Variants in RALGAPA1 observed in about 807,000 individuals in gnomAD.
RALGAPA1 encodes the protein ral GTPase-activating protein subunit alpha-1.
A neutral mutation model predicts 269.6 loss-of-function variants in RALGAPA1; 52 were observed. That is an observed-to-expected ratio of 0.19 (90% CI 0.15 to 0.24). RALGAPA1 has a LOEUF of 0.24. RALGAPA1 is among the 10% of genes least tolerant of loss of function. RALGAPA1 has a pLI of 1.00. For synonymous variants in RALGAPA1, 817 were observed against 1,008.3 expected (o/e 0.81, Z 3.60); for missense variants, 1,917 against 3,013.9 (o/e 0.64, Z 8.52).
At chr14:35,674,316 A>C in intron 23 of RALGAPA1, 38 bp from the exon 24 acceptor site, 1 of 1,503,296 alleles carries the variant, frequency 6.7e-7, no homozygotes, top group Non-Finnish European at 9.2e-7. Context: ...ACCTAAGAAA[A>C]CTGTTATCTC....
intron 36 of RALGAPA1, among the ~76,000 whole-genome samples, chr14:35,601,392 G>A (rs1425677847): frequency 6.6e-6 from 1 of 152,148 alleles, no homozygotes; most frequent in Non-Finnish European, 1.5e-5. Context: ...GTGGTGTTGG[G>A]GGCACCTCAT....
chr14:35,764,012 G>A (rs2073944330), intron 4 of RALGAPA1, among the ~76,000 whole-genome samples: 1 of 151,488 alleles, frequency 6.6e-6, no homozygotes, highest in Non-Finnish European at 1.5e-5. Context: ...ATATTTCCTA[G>A]TGACACTGAA....
chr14:35,665,657 G>T (rs748262656), intron 26 of RALGAPA1, among the ~76,000 whole-genome samples: 33 of 152,078 alleles, frequency 2.2e-4, no homozygotes, highest in Middle Eastern at 3.2e-3. Context: ...AAACAATGTG[G>T]ATTTAAAGAT....
intron 33 of RALGAPA1, among the ~76,000 whole-genome samples, chr14:35,632,455 G>A (rs1204418583): frequency 1.3e-5 from 2 of 152,066 alleles, no homozygotes; most frequent in South Asian, 2.1e-4. Flanking sequence ...TTATTATGGC[G>A]TACAAAAGCA....
At chr14:35,597,096 C>T (rs1271886968) in intron 36 of RALGAPA1, among the ~76,000 whole-genome samples, 1 of 152,100 alleles carries the variant, frequency 6.6e-6, no homozygotes, top group Non-Finnish European at 1.5e-5. Context: ...CTGTCTTTTG[C>T]TATCACAGTC....
chr14:35,596,259 T>G (rs561397189), intron 36 of RALGAPA1, among the ~76,000 whole-genome samples: 73 of 152,174 alleles, frequency 4.8e-4, no homozygotes, highest in Non-Finnish European at 9.6e-4. Context: ...CAGAACTTAA[T>G]TACAGTTTAG....
intron 1 of RALGAPA1, among the ~76,000 whole-genome samples, chr14:35,791,062 C>T (rs181172450): frequency 9.2e-5 from 14 of 152,138 alleles, no homozygotes; most frequent in Non-Finnish European, 1.9e-4. Flanking sequence ...ATAAGAGCAG[C>T]GACAAAGTTT....
chr14:35,539,671 T>C lies in RALGAPA1; in HGVS notation c.*43A>G. On this transcript the variant is annotated 3_prime_UTR_variant, in exon 42 of 42. Coordinates refer to ENST00000680220, the MANE Select transcript of RALGAPA1 (RefSeq NM_001346249.2). ...GCGTTGCTGTGGGAGTTTCACTGGG[T>C]AGAATCTCTGGGTAGGAGCCTGTAG... 1 of 1,614,038 alleles carries C rather than the reference T, an allele frequency of 6.2e-7. No individual in the cohort carries two copies. The highest frequency in any genetic ancestry group is 1.1e-5 in the South Asian group (1 of 91,058).
intron 39 of RALGAPA1, among the ~76,000 whole-genome samples, chr14:35,562,385 C>A (rs558252117): frequency 1.3e-5 from 2 of 152,326 alleles, no homozygotes; most frequent in South Asian, 4.1e-4. Flanking sequence ...CCCAAGTCAT[C>A]TGCCACTGCC....
At chr14:35,766,748 T>C in intron 4 of RALGAPA1, 1 of 531,474 alleles carries the variant, frequency 1.9e-6, no homozygotes. Context: ...TCATTGCTAA[T>C]GATTTTGTGA....
chr14:35,629,801 A>AT (rs1191543642), intron 33 of RALGAPA1, among the ~76,000 whole-genome samples: 9 of 152,334 alleles, frequency 5.9e-5, no homozygotes, highest in Admixed American at 3.9e-4. Flanking sequence ...GCTGAGCCAA[A>AT]TACAGATTTA....
At chr14:35,792,803 G>GAGAA (rs1176430717) in intron 1 of RALGAPA1, among the ~76,000 whole-genome samples, 1 of 108,982 alleles carries the variant, frequency 9.2e-6, no homozygotes, top group East Asian at 2.9e-4. Context: ...AAGAAAGAAA[G>GAGAA]AGAAAGAAAG....
chr14:35,568,232 C>A (rs1042142043), intron 39 of RALGAPA1, among the ~76,000 whole-genome samples: 3 of 151,988 alleles, frequency 2.0e-5, no homozygotes, highest in Non-Finnish European at 4.4e-5. Flanking sequence ...CTTTTGAGCT[C>A]TGACATGACA....
intron 27 of RALGAPA1, 69 bp downstream of exon 27, chr14:35,664,573 A>T (rs1373714350): frequency 1.6e-6 from 2 of 1,267,260 alleles, no homozygotes; most frequent in African/African-American, 3.1e-5. Context: ...AAAGAATACA[A>T]ATTTTATTGC....
At chr14:35,780,104 CA>C (rs34840514) in intron 1 of RALGAPA1, among the ~76,000 whole-genome samples, 6,047 of 138,278 alleles carry the variant, frequency 0.044, 337 homozygotes, top group African/African-American at 0.12. Flanking sequence ...TAGACTGTCT[CA>C]AAAAAAAAAA....
At chr14:35,696,509 A>G (rs1398258685) in intron 17 of RALGAPA1, among the ~76,000 whole-genome samples, 1 of 152,154 alleles carries the variant, frequency 6.6e-6, no homozygotes, top group Non-Finnish European at 1.5e-5. Context: ...GGTAGTATGG[A>G]CAGTTAGAAC....
At chr14:35,669,471 C>T (rs2064222243) in intron 26 of RALGAPA1, among the ~76,000 whole-genome samples, 1 of 152,164 alleles carries the variant, frequency 6.6e-6, no homozygotes, top group South Asian at 2.1e-4. Context: ...TCAGACTAGT[C>T]TTGAACTCCT....
chr14:35,740,566 G>C (rs1344513591), intron 11 of RALGAPA1, among the ~76,000 whole-genome samples: 1 of 152,202 alleles, frequency 6.6e-6, no homozygotes, highest in East Asian at 1.9e-4. Flanking sequence ...CAGCACTTTG[G>C]GAGGCTGAGG....
intron 10 of RALGAPA1, among the ~76,000 whole-genome samples, chr14:35,745,173 A>G (rs1277092561): frequency 1.3e-5 from 2 of 152,186 alleles, no homozygotes; most frequent in Non-Finnish European, 2.9e-5. Context: ...TCAATTTACA[A>G]TGAGAACTAA....
Sources: allele counts gnomAD v4.1 joint callset (sites outside exome capture counted in the v4.1 genomes callset), GRCh38; gene constraint gnomAD v4.1.1; transcripts MANE v1.5; gene names NCBI Gene and HGNC (gene_info 2026-07-23, HGNC 2026-07-21).